The following NCALD variants were observed in gnomAD, a reference collection of about 807,000 sequenced individuals.
NCALD encodes the protein neurocalcin-delta.
A neutral mutation model predicts 18.6 loss-of-function variants in NCALD; 10 were observed. The observed-to-expected ratio is 0.54, with a 90% CI of 0.33 to 0.91. The LOEUF is 0.91. NCALD is among the 40% of genes least tolerant of loss of function. NCALD has a pLI of 0.03. For missense variants in NCALD, 184 were observed against 247.6 expected (o/e 0.74, Z 1.72); for synonymous variants, 88 against 87.4 (o/e 1.01, Z -0.04).
rs1814605874 is a variant in NCALD at position 101,689,349 on chromosome 8, C to T, written c.542G>A (p.Arg181His). ...RGAKSDPSIV[R>H]LLQCDPSSAG... ...ACTGCTCGGGTCGCACTGCAGGAGG[C>T]GCACAATGGACGGGTCGCTTTTGGC... Residue 181 changes from arginine (R) to histidine (H), a missense_variant, in exon 4 of 4, where the codon CGC becomes CAC. By Grantham distance (29) the Arg-to-His change is conservative. Transcript: ENST00000220931. The surrounding 1 kb of genome is among the most constrained non-coding windows in gnomAD (Gnocchi z 4.4). The T allele has an allele frequency of 6.2e-6, 10 of 1,613,588 alleles. No individual in the cohort carries two copies. Among genetic ancestry groups the T allele is most frequent in the Admixed American group, 1.7e-5 (1 of 59,976 alleles).
upstream of NCALD, among the ~76,000 whole-genome samples, chr8:101,791,684 C>T (rs536926225): frequency 4.7e-4 from 72 of 152,010 alleles, no homozygotes; most frequent in African/African-American, 1.4e-3. Context: ...AAATGAGGAC[C>T]GAAGGAGTTT....
At chr8:101,783,414 G>A (rs1450803445) in intron 1 of NCALD, among the ~76,000 whole-genome samples, 3 of 152,160 alleles carry the variant, frequency 2.0e-5, no homozygotes, top group African/African-American at 7.2e-5. Flanking sequence ...TGGCAATTTT[G>A]TTAAGAGGCA....
chr8:101,862,701 C>A (rs1185696257), intron 4 of NCALD, among the ~76,000 whole-genome samples: 3 of 152,168 alleles, frequency 2.0e-5, no homozygotes, highest in South Asian at 2.1e-4. Flanking sequence ...CTAGTTTTCT[C>A]TAACAGGGAC....
chr8:101,741,224 A>G (rs1453327040), intron 1 of NCALD, among the ~76,000 whole-genome samples: 1 of 152,260 alleles, frequency 6.6e-6, no homozygotes, highest in Non-Finnish European at 1.5e-5. Flanking sequence ...GCTGAATCGC[A>G]AGATGTGCTA....
intron 3 of NCALD, among the ~76,000 whole-genome samples, chr8:101,911,741 G>T (rs1314819898): frequency 6.6e-6 from 1 of 152,086 alleles, no homozygotes; most frequent in African/African-American, 2.4e-5. Flanking sequence ...GCGTTTCCAC[G>T]AATTACCTGC....
chr8:102,002,063 T>C (rs1821494957), intron 2 of NCALD, among the ~76,000 whole-genome samples: 1 of 152,142 alleles, frequency 6.6e-6, no homozygotes, highest in Non-Finnish European at 1.5e-5. Context: ...AATGCTCCAA[T>C]TAAAAGACAC....
At chr8:101,696,959 C>T (rs1449070633) in intron 2 of NCALD, among the ~76,000 whole-genome samples, 2 of 151,790 alleles carry the variant, frequency 1.3e-5, no homozygotes, top group Non-Finnish European at 2.9e-5. Flanking sequence ...TAGAGCAGAA[C>T]AGAAGGAAAC....
chr8:101,828,560 T>TC (rs921680472), intron 4 of NCALD, among the ~76,000 whole-genome samples: 1 of 8,582 alleles, frequency 1.2e-4, no homozygotes. Context: ...AATTTCCTTC[T>TC]TTTTTTTTTT....
At chr8:101,957,366 T>G (rs1454504320) in intron 2 of NCALD, among the ~76,000 whole-genome samples, 1 of 145,490 alleles carries the variant, frequency 6.9e-6, no homozygotes, top group African/African-American at 2.6e-5. Flanking sequence ...AACAAGAAGT[T>G]GCCCTCCGCA....
chr8:101,719,140 G>T, intron 2 of NCALD, 112 bp downstream of exon 2: 1 of 1,281,332 alleles, frequency 7.8e-7, no homozygotes, highest in Non-Finnish European at 1.1e-6. Flanking sequence ...GCCAAATGAA[G>T]TGTCCTGGTG....
chr8:101,892,208 G>A (rs1434108103), intron 3 of NCALD, among the ~76,000 whole-genome samples: 1 of 149,606 alleles, frequency 6.7e-6, no homozygotes, highest in African/African-American at 2.5e-5. Context: ...CCTGACCCCT[G>A]ACCCCCGAGC....
intron 4 of NCALD, among the ~76,000 whole-genome samples, chr8:101,872,842 A>G (rs538617155): frequency 1.8e-4 from 27 of 152,188 alleles, no homozygotes; most frequent in Non-Finnish European, 3.2e-4. Context: ...AATAGCAGGA[A>G]GTGTATTGAA....
chr8:101,791,080 C>T (rs1427156783), upstream of NCALD: 1 of 152,182 alleles, frequency 6.6e-6, no homozygotes, highest in African/African-American at 2.4e-5. Flanking sequence ...CACAGACCGG[C>T]TCTGAAATTA....
intron 1 of NCALD, among the ~76,000 whole-genome samples, chr8:102,122,069 T>C (rs1017351602): frequency 6.6e-6 from 1 of 152,104 alleles, no homozygotes; most frequent in Admixed American, 6.5e-5. Context: ...GATACATAGA[T>C]AATGGTGCAG....
At chr8:101,997,129 A>G (rs1821267608) in intron 2 of NCALD, among the ~76,000 whole-genome samples, 1 of 152,204 alleles carries the variant, frequency 6.6e-6, no homozygotes, top group African/African-American at 2.4e-5. Context: ...ATTTCCATTA[A>G]GCTCATTTAA....
intron 2 of NCALD, among the ~76,000 whole-genome samples, chr8:101,932,033 T>C (rs1818594615): frequency 6.6e-6 from 1 of 152,126 alleles, no homozygotes; most frequent in African/African-American, 2.4e-5. Context: ...AGAGAAGGGA[T>C]TCTTCTGTAG....
intron 3 of NCALD, among the ~76,000 whole-genome samples, chr8:101,911,983 T>C (rs1030796951): frequency 2.0e-5 from 3 of 152,204 alleles, no homozygotes; most frequent in Non-Finnish European, 4.4e-5. Flanking sequence ...CTAGACAGTT[T>C]AGTGTTATAA....
Position 101,692,839 on chromosome 8 carries a change from C to G in NCALD, c.436G>C (p.Glu146Gln). 2 of 1,614,006 alleles carry G rather than the reference C, an allele frequency of 1.2e-6. No homozygotes were observed. Among genetic ancestry groups the G allele is most frequent in the Non-Finnish European group, 1.7e-6 (2 of 1,179,912 alleles). Residue 146 changes from glutamate to glutamine, a missense_variant, in exon 3 of 4, where the codon GAG (glutamate) becomes CAG (glutamine). Glu to Gln is a conservative substitution (Grantham distance 29). Coordinates refer to ENST00000220931, the MANE Select transcript of NCALD (RefSeq NM_032041.3). ...MKMPEDESTP[E>Q]KRTEKIFRQM... ...CGGAAGATCTTTTCTGTTCTTTTCT[C>G]TGGGGTTGACTCATCTTCAGGCATT...
chr8:101,912,446 AT>A (rs1437518679), intron 3 of NCALD, among the ~76,000 whole-genome samples: 1 of 152,226 alleles, frequency 6.6e-6, no homozygotes, highest in Non-Finnish European at 1.5e-5. Context: ...ATGATGATGT[AT>A]TTATGAGCAG....
Sources: gnomAD v4.1 joint callset for allele counts (sites outside exome capture counted in the v4.1 genomes callset) on GRCh38, gnomAD v4.1.1 for gene constraint, Gnocchi (gnomAD v3.1) non-coding constraint, MANE v1.5 for transcripts, NCBI Gene and HGNC (gene_info 2026-07-23, HGNC 2026-07-21) for gene names.